Variants in HPCAL1 observed in about 807,000 individuals in gnomAD.
HPCAL1 encodes hippocalcin-like protein 1.
HPCAL1 carries 8 observed loss-of-function variants against 17.1 expected under a neutral mutation model. The observed-to-expected ratio is 0.47, with a 90% CI of 0.27 to 0.84. The LOEUF is 0.84. Ranked by LOEUF, HPCAL1 falls within the 40% of genes least tolerant of loss-of-function variation. The probability of loss-of-function intolerance (pLI) is 0.13; values close to 1 mark genes in which losing one functional copy is unlikely to be tolerated. For missense variants in HPCAL1, 165 were observed against 271.1 expected (o/e 0.61, Z 2.75); for synonymous variants, 112 against 111.4 (o/e 1.01, Z -0.03).
rs1662864291 is a variant in HPCAL1, at chr2:10,310,186, GCT to G, written c.-111+7012_-111+7013del. 6.6e-6 allele frequency among the ~76,000 whole-genome samples: 1 copy of G among 152,104 alleles called. No homozygotes were observed. The highest frequency in any genetic ancestry group is 1.5e-5 in the Non-Finnish European group (1 of 68,016). On this transcript the variant is annotated intron_variant, in intron 1 of 4. Transcript: ENST00000307845. The surrounding 1 kb of genome is among the most constrained non-coding windows in gnomAD (Gnocchi z 4.5). ...AGACTGGGTTTGAACTGTAGTCTTT[GCT>G]CTGTTTACTGGCTGGTGATGTTCTC...
chr2:10,356,733 C>T (rs1666184296), intron 1 of HPCAL1, among the ~76,000 whole-genome samples: 1 of 152,130 alleles, frequency 6.6e-6, no homozygotes, highest in African/African-American at 2.4e-5. Flanking sequence ...ATGCTCTCAC[C>T]TGTGGGCTCC....
rs1439399834 is a variant in HPCAL1, at chr2:10,394,080, G to A, written c.-110-2755G>A. On this transcript the variant is annotated intron_variant, in intron 1 of 4. Transcript: ENST00000307845. The surrounding 1 kb of genome is among the most constrained non-coding windows in gnomAD (Gnocchi z 5.0). The stretch of plus-strand genomic sequence containing the variant: ...CAGTGAGCTTTGATTGTGCCACTGC[G>A]CTCCAGCCTGGGTGACAGAGCGAGA... Among the ~76,000 whole-genome samples the A allele has an allele frequency of 1.3e-5, 2 of 151,888 alleles. No individual in the cohort carries two copies. Among genetic ancestry groups the A allele is most frequent in the African/African-American group, 4.8e-5 (2 of 41,326 alleles).
At chr2:10,338,613 G>A (rs1664868801) in intron 1 of HPCAL1, among the ~76,000 whole-genome samples, 1 of 152,194 alleles carries the variant, frequency 6.6e-6, no homozygotes, top group African/African-American at 2.4e-5. Context: ...GACCAGGTAT[G>A]TATGAAGTCA....
chr2:10,345,680 C>T (rs542540901), intron 1 of HPCAL1, among the ~76,000 whole-genome samples: 1 of 152,162 alleles, frequency 6.6e-6, no homozygotes, highest in Non-Finnish European at 1.5e-5. Flanking sequence ...TGGTCTCGAA[C>T]TCTTGGGCTT....
rs1015415585 is a variant in HPCAL1 at position 10,363,955 on chromosome 2, C to T, written c.-110-32880C>T. Among the ~76,000 whole-genome samples, 3 of 152,184 alleles carry T rather than the reference C, an allele frequency of 2.0e-5. No individual in the cohort carries two copies. The highest frequency in any genetic ancestry group is 4.4e-5 in the Non-Finnish European group (3 of 68,018). On this transcript the variant is annotated intron_variant, in intron 1 of 4. Transcript: ENST00000307845. The surrounding 1 kb of genome is among the most constrained non-coding windows in gnomAD (Gnocchi z 4.7). ...TGGTGCTCAGGGAGGCCTGATGATT[C>T]GGGGCGCTTGGCCGGGTGGTGGGGT...
intron 1 of HPCAL1, among the ~76,000 whole-genome samples, chr2:10,334,383 C>T (rs762256602): frequency 6.6e-6 from 1 of 151,926 alleles, no homozygotes; most frequent in Non-Finnish European, 1.5e-5. Flanking sequence ...CATCATGTAC[C>T]TGTAGTCCCA....
intron 1 of HPCAL1, among the ~76,000 whole-genome samples, chr2:10,386,319 C>A (rs1350347441): frequency 1.3e-5 from 2 of 152,226 alleles, no homozygotes; most frequent in Non-Finnish European, 2.9e-5. Flanking sequence ...CCTCCCTGGC[C>A]TCTCTTGCGT....
chr2:10,405,847 C>A (rs1297861059), intron 2 of HPCAL1, among the ~76,000 whole-genome samples: 1 of 152,212 alleles, frequency 6.6e-6, no homozygotes, highest in Non-Finnish European at 1.5e-5. Flanking sequence ...GTATCTCCAG[C>A]CTGCTGTGCC....
chr2:10,351,592 C>G (rs938628724), intron 1 of HPCAL1, among the ~76,000 whole-genome samples: 2 of 152,036 alleles, frequency 1.3e-5, no homozygotes, highest in African/African-American at 4.8e-5. Context: ...ACCTCTGTCT[C>G]TACTAAAAAG....
chr2:10,307,124 C>T (rs984573177), intron 1 of HPCAL1, among the ~76,000 whole-genome samples: 7 of 150,050 alleles, frequency 4.7e-5, no homozygotes, highest in African/African-American at 2.5e-5. Flanking sequence ...TGGCATGAGA[C>T]AAGAGGTCTT....
chr2:10,358,282 C>A (rs1023639184), intron 1 of HPCAL1, among the ~76,000 whole-genome samples: 3 of 152,250 alleles, frequency 2.0e-5, no homozygotes, highest in Non-Finnish European at 4.4e-5. Flanking sequence ...TCAACCACTT[C>A]TTCCATTTTC....
intron 2 of HPCAL1, among the ~76,000 whole-genome samples, chr2:10,399,361 CTACCATCAT>C (rs1558518038): frequency 1.4e-3 from 11 of 7,892 alleles, no homozygotes; most frequent in Non-Finnish European, 2.7e-3. Context: ...ATCACCACCA[CTACCATCAT>C]CACCACCACC....
At chr2:10,360,265 C>A (rs996189713) in intron 1 of HPCAL1, among the ~76,000 whole-genome samples, 1 of 152,208 alleles carries the variant, frequency 6.6e-6, no homozygotes, top group Non-Finnish European at 1.5e-5. Flanking sequence ...GACTCCCAGG[C>A]AGGGTGAGCC....
chr2:10,395,523 G>A lies in HPCAL1; in HGVS notation c.-110-1312G>A, dbSNP rs556176193. 1.8e-3 allele frequency among the ~76,000 whole-genome samples: 269 copies of A among 152,234 alleles called. 1 individual carries two copies. Among genetic ancestry groups the A allele is most frequent in the Non-Finnish European group, 2.8e-3 (190 of 68,038 alleles). The stretch of plus-strand genomic sequence containing the variant: ...TGCAGCACCCCCATTGTGCAGGAGC[G>A]AGGGGAGCCCCGCTGGCACGCCGCA... On this transcript the variant is annotated intron_variant, in intron 1 of 4. Transcript: ENST00000307845. The surrounding 1 kb of genome is among the most constrained non-coding windows in gnomAD (Gnocchi z 4.4).
rs1013414230 is a variant in HPCAL1, at chr2:10,310,652, G to A, written c.-111+7475G>A. On this transcript the variant is annotated intron_variant, in intron 1 of 4. Coordinates refer to ENST00000307845, the MANE Select transcript of HPCAL1 (RefSeq NM_002149.4). This position sits in a 1 kb window ranked among gnomAD's most constrained non-coding sequence, Gnocchi z 4.5. The stretch of plus-strand genomic sequence containing the variant: ...GGTTGCACAGAGAGAGCTGCAGGTT[G>A]TTCCTCAGGCATAACGAGGCCCGGA... Among the ~76,000 whole-genome samples the A allele has an allele frequency of 6.6e-6, 1 of 152,144 alleles. No homozygotes were observed. The highest frequency in any genetic ancestry group is 6.5e-5 in the Admixed American group (1 of 15,274).
chr2:10,311,996 C>T (rs1662995051), intron 1 of HPCAL1, among the ~76,000 whole-genome samples: 1 of 151,226 alleles, frequency 6.6e-6, no homozygotes, highest in South Asian at 2.1e-4. Context: ...ACCATCATCA[C>T]CATCGCCATC....
chr2:10,343,115 A>T lies in HPCAL1; in HGVS notation c.-111+39938A>T, dbSNP rs1665198487. 6.6e-6 allele frequency among the ~76,000 whole-genome samples: 1 copy of T among 152,104 alleles called. No individual in the cohort carries two copies. The highest frequency in any genetic ancestry group is 1.5e-5 in the Non-Finnish European group (1 of 68,018). On this transcript the variant is annotated intron_variant, in intron 1 of 4. Transcript: ENST00000307845. The surrounding 1 kb of genome is among the most constrained non-coding windows in gnomAD (Gnocchi z 4.8). ...GTTTCCAAGTGGGCCCGCAGCTCTGATGTGCAGTGGGTATGCACTGGCAAG... is the reference window on the plus strand; with the variant it reads ...GTTTCCAAGTGGGCCCGCAGCTCTGTTGTGCAGTGGGTATGCACTGGCAAG...
chr2:10,420,839 C>A (rs1015437640), intron 3 of HPCAL1, among the ~76,000 whole-genome samples: 7 of 152,298 alleles, frequency 4.6e-5, no homozygotes, highest in Middle Eastern at 3.4e-3. Context: ...CGGCTCACTG[C>A]AACCTCCACC....
At chr2:10,416,315 G>A (rs1670671521) in intron 2 of HPCAL1, among the ~76,000 whole-genome samples, 1 of 152,234 alleles carries the variant, frequency 6.6e-6, no homozygotes, top group Admixed American at 6.5e-5. Flanking sequence ...GATGCCCTGG[G>A]CACTGTGCAG....
Sources: gnomAD v4.1 joint callset for allele counts (sites outside exome capture counted in the v4.1 genomes callset) on GRCh38, gnomAD v4.1.1 for gene constraint, Gnocchi (gnomAD v3.1) non-coding constraint, MANE v1.5 for transcripts, NCBI Gene and HGNC (gene_info 2026-07-23, HGNC 2026-07-21) for gene names.